Variants in ATG7 observed in about 807,000 individuals in gnomAD.
The protein encoded by ATG7 is ubiquitin-like modifier-activating enzyme ATG7.
Under a neutral mutation model 82.4 loss-of-function variants are expected in ATG7, and 70 were observed. That is an observed-to-expected ratio of 0.85 (90% CI 0.70 to 1.04). The LOEUF (loss-of-function observed/expected upper bound fraction) is 1.04, where lower values mean the gene tolerates loss of function less well. Ranked by LOEUF, ATG7 falls within the 50% of genes least tolerant of loss-of-function variation. ATG7 has a pLI of 0.00. For missense variants in ATG7, 792 were observed against 864.3 expected (o/e 0.92, Z 1.05); for synonymous variants, 287 against 313.0 (o/e 0.92, Z 0.88).
chr3:11,349,029 A>G (rs1955032280), intron 14 of ATG7, among the ~76,000 whole-genome samples: 1 of 152,078 alleles, frequency 6.6e-6, no homozygotes, highest in South Asian at 2.1e-4. Flanking sequence ...CTCTAGCTAG[A>G]CACAGAGCGC....
chr3:11,374,028 A>G (rs2077215316), intron 18 of ATG7, among the ~76,000 whole-genome samples: 1 of 152,224 alleles, frequency 6.6e-6, no homozygotes, highest in Non-Finnish European at 1.5e-5. Context: ...ATACAAGTAA[A>G]TACAAGTAGC....
intron 19 of ATG7, among the ~76,000 whole-genome samples, chr3:11,401,915 A>T (rs540363190): frequency 1.6e-4 from 24 of 152,326 alleles, no homozygotes; most frequent in African/African-American, 5.3e-4. Flanking sequence ...TGCATGTTTT[A>T]ATTGGATTGG....
In ATG7 at chr3:11,358,574, C is replaced by T. The variant is rs764222694; in HGVS notation, c.1441C>T (p.Arg481Trp). The change falls in exon 15 of 21, where the codon CGG (arginine) becomes TGG (tryptophan). Residue 481 changes from arginine (R) to tryptophan (W), a missense_variant. Transcript: ENST00000693202. The stretch of plus-strand genomic sequence containing the variant: ...CCTATTGATGGACACCAGGGAGAGC[C>T]GGTGGCTTCCTGCCGTCATTGCTGC... ...VFLLMDTRES[R>W]WLPAVIAASK... 1.3e-5 allele frequency: 21 copies of T among 1,613,590 alleles called. No individual in the cohort carries two copies. The highest frequency in any genetic ancestry group is 2.2e-5 in the East Asian group (1 of 44,860).
intron 20 of ATG7, among the ~76,000 whole-genome samples, chr3:11,447,860 C>G (rs2084726569): frequency 6.6e-6 from 1 of 152,184 alleles, no homozygotes; most frequent in Admixed American, 6.5e-5. Context: ...TCCCTCAGAA[C>G]TACACGGTTG....
rs138710852 is a variant in ATG7 at position 11,359,200 on chromosome 3, G to A, written c.1479+588G>A. ...AGAAGAAGGGAGAAAGAGAGGGAGA[G>A]TATGGGAGAGAAAGGGAGAAAATAG... On this transcript the variant is annotated intron_variant, in intron 15 of 20. Transcript: ENST00000693202. Among the ~76,000 whole-genome samples the A allele has an allele frequency of 4.7e-3, 722 of 152,188 alleles. 6 individuals carry two copies. Among genetic ancestry groups the A allele is most frequent in the African/African-American group, 0.017 (692 of 41,512 alleles).
chr3:11,334,599 T>G (rs1244048470), intron 11 of ATG7, among the ~76,000 whole-genome samples: 1 of 151,338 alleles, frequency 6.6e-6, no homozygotes, highest in Non-Finnish European at 1.5e-5. Context: ...CAAGGCACAT[T>G]TCTTTCCTTA....
At chr3:11,426,580 C>T (rs1264786316) in intron 19 of ATG7, among the ~76,000 whole-genome samples, 1 of 152,084 alleles carries the variant, frequency 6.6e-6, no homozygotes, top group Non-Finnish European at 1.5e-5. Context: ...TTTGAGAAAA[C>T]ATTGGTACTC....
chr3:11,486,926 A>G (rs1383183319), intron 20 of ATG7, among the ~76,000 whole-genome samples: 4 of 151,012 alleles, frequency 2.6e-5, no homozygotes, highest in Admixed American at 2.6e-4. Flanking sequence ...AGGGAAGGTC[A>G]GCAGATAAAC....
chr3:11,339,801 G>T (rs1391635336), intron 11 of ATG7, among the ~76,000 whole-genome samples: 2 of 152,208 alleles, frequency 1.3e-5, no homozygotes, highest in Non-Finnish European at 2.9e-5. Flanking sequence ...GAAACACAAA[G>T]CCAAATCAAA....
chr3:11,388,630 G>GT (rs1479296447), intron 19 of ATG7, among the ~76,000 whole-genome samples: 1 of 151,872 alleles, frequency 6.6e-6, no homozygotes. Flanking sequence ...GGGTTTCACC[G>GT]TGTTAGCTAG....
At chr3:11,424,102 C>T (rs1482715471) in intron 19 of ATG7, among the ~76,000 whole-genome samples, 1 of 152,052 alleles carries the variant, frequency 6.6e-6, no homozygotes, top group East Asian at 1.9e-4. Flanking sequence ...CCTCCCGTCG[C>T]CTGGTCCTTT....
chr3:11,472,609 C>G (rs2087674919), intron 20 of ATG7, among the ~76,000 whole-genome samples: 1 of 152,156 alleles, frequency 6.6e-6, no homozygotes, highest in African/African-American at 2.4e-5. Flanking sequence ...AACAGATGTC[C>G]ACTGTGGTTA....
At chr3:11,363,060 C>A in intron 17 of ATG7, 132 bp downstream of exon 17, 3 of 788,620 alleles carry the variant, frequency 3.8e-6, no homozygotes, top group Non-Finnish European at 4.0e-6. Flanking sequence ...AAAAACAAGA[C>A]TAGAAAAAGC....
intron 20 of ATG7, among the ~76,000 whole-genome samples, chr3:11,523,717 A>G (rs1000939172): frequency 1.3e-5 from 2 of 152,242 alleles, no homozygotes; most frequent in African/African-American, 4.8e-5. Flanking sequence ...CCTGGAAACA[A>G]AACTGTACCT....
intron 19 of ATG7, among the ~76,000 whole-genome samples, chr3:11,398,753 A>C (rs1264805840): frequency 1.3e-5 from 2 of 152,158 alleles, no homozygotes; most frequent in Non-Finnish European, 2.9e-5. Flanking sequence ...TTGGAGGCTG[A>C]GATAGGAGGA....
chr3:11,309,308 A>G (rs944226570), intron 7 of ATG7, among the ~76,000 whole-genome samples: 2 of 152,214 alleles, frequency 1.3e-5, no homozygotes, highest in Non-Finnish European at 2.9e-5. Flanking sequence ...ACAGGGCATG[A>G]TAAAGTCAGG....
At chr3:11,543,841 CG>C (rs766138683) in intron 20 of ATG7, among the ~76,000 whole-genome samples, 1 of 151,964 alleles carries the variant, frequency 6.6e-6, no homozygotes, top group Non-Finnish European at 1.5e-5. Flanking sequence ...CCTCTGGGGA[CG>C]GGAGGGGGAG....
At chr3:11,314,766 C>T (rs915961545) in intron 8 of ATG7, among the ~76,000 whole-genome samples, 1 of 51,330 alleles carries the variant, frequency 1.9e-5, no homozygotes, top group African/African-American at 8.2e-5. Flanking sequence ...GAAACCCCAT[C>T]GCTATAAAAA....
At chr3:11,275,361 T>C (rs1235616530) in intron 1 of ATG7, among the ~76,000 whole-genome samples, 1 of 151,264 alleles carries the variant, frequency 6.6e-6, no homozygotes, top group East Asian at 1.9e-4. Context: ...TTTTTTCTTT[T>C]TTTTTGAGAT....
Sources: allele counts gnomAD v4.1 joint callset (sites outside exome capture counted in the v4.1 genomes callset), GRCh38; gene constraint gnomAD v4.1.1; transcripts MANE v1.5; gene names NCBI Gene and HGNC (gene_info 2026-07-23, HGNC 2026-07-21).